TMEM196: variants seen among roughly 807,000 people sequenced by gnomAD.
TMEM196 encodes transmembrane protein 196.
TMEM196 carries 17 observed loss-of-function variants against 20.0 expected under a neutral mutation model. The ratio of observed to expected loss-of-function variants is 0.85; its 90% CI spans 0.58 to 1.27. The LOEUF is 1.27. Ranked by LOEUF, TMEM196 falls within the 50% of genes most tolerant of loss-of-function variation. The pLI, the probability that TMEM196 is intolerant of heterozygous loss-of-function variation, is 0.00. For synonymous variants in TMEM196, 113 were observed against 88.9 expected (o/e 1.27, Z -1.52); for missense variants, 267 against 223.0 (o/e 1.20, Z -1.26).
intron 1 of TMEM196, among the ~76,000 whole-genome samples, chr7:19,738,514 T>A (rs2128021941): frequency 6.6e-6 from 1 of 152,172 alleles, no homozygotes; most frequent in Middle Eastern, 3.4e-3. Context: ...AGATCTTGGT[T>A]TCTAATACCT....
chr7:19,764,709 A>T (rs1489608960), intron 1 of TMEM196, among the ~76,000 whole-genome samples: 1 of 152,164 alleles, frequency 6.6e-6, no homozygotes. Context: ...ATAATTCAAC[A>T]CTAAGGCTTA....
At chr7:19,768,410 G>T (rs191506959) in intron 1 of TMEM196, among the ~76,000 whole-genome samples, 1 of 152,072 alleles carries the variant, frequency 6.6e-6, no homozygotes, top group Non-Finnish European at 1.5e-5. Context: ...TCAACCTACA[G>T]CAATAAAATT....
In TMEM196 at chr7:19,772,664, G is replaced by A. The variant is rs1311995781; in HGVS notation, c.33C>T (p.Leu11=). The A allele has an allele frequency of 2.7e-5, 42 of 1,540,634 alleles. No homozygotes were observed. Among genetic ancestry groups the A allele is most frequent in the Non-Finnish European group, 3.5e-5 (40 of 1,141,992 alleles). ...CTATCTCCAGCACGGAGAGCACCAA[G>A]AGGCTCCCAATAATCTGACCGCTGG... is the stretch of plus-strand genomic sequence containing the variant. MCTSGQIIGS[L]LVLSVLEIGL... Residue 11 remains leucine, a synonymous_variant, in exon 1 of 5, where the codon CTC becomes CTT. Coordinates refer to ENST00000405844, the MANE Select transcript of TMEM196 (RefSeq NM_001363562.2).
Position 19,721,728 on chromosome 7 carries a change from CAT to C in TMEM196, c.*398_*399del, listed in dbSNP as rs1783819291. On this transcript the variant is annotated 3_prime_UTR_variant, in exon 5 of 5. Coordinates refer to ENST00000405844, the MANE Select transcript of TMEM196 (RefSeq NM_001363562.2). ...TTGATATTTGCACTTTTCAATTACTCATATGAAATATGTCATTACAAATATAA... is the reference window on the plus strand; with the variant it reads ...TTGATATTTGCACTTTTCAATTACTCATGAAATATGTCATTACAAATATAA... 1 of 173,630 alleles carries C rather than the reference CAT, an allele frequency of 5.8e-6. No homozygotes were observed. Among genetic ancestry groups the C allele is most frequent in the African/African-American group, 2.4e-5 (1 of 42,018 alleles). 10.8% of individuals were successfully genotyped at this position (173,630 alleles called of 1,614,324 possible).
At chr7:19,733,177 A>G (rs1784274395) in intron 1 of TMEM196, among the ~76,000 whole-genome samples, 1 of 152,204 alleles carries the variant, frequency 6.6e-6, no homozygotes, top group Non-Finnish European at 1.5e-5. Context: ...GATTATATTC[A>G]ATAGAAAACT....
At chr7:19,735,851 A>G (rs1339869543) in intron 1 of TMEM196, among the ~76,000 whole-genome samples, 1 of 152,178 alleles carries the variant, frequency 6.6e-6, no homozygotes, top group Non-Finnish European at 1.5e-5. Context: ...TAGAGGAGAT[A>G]TACTCATTAG....
At chr7:19,767,223 C>G (rs929896413) in intron 1 of TMEM196, among the ~76,000 whole-genome samples, 1 of 152,056 alleles carries the variant, frequency 6.6e-6, no homozygotes, top group African/African-American at 2.4e-5. Flanking sequence ...ACCAAATTTT[C>G]TATTATACCA....
At chr7:19,752,622 TTTC>T (rs1785033297) in intron 1 of TMEM196, among the ~76,000 whole-genome samples, 2 of 150,110 alleles carry the variant, frequency 1.3e-5, no homozygotes, top group African/African-American at 4.9e-5. Flanking sequence ...TCTTTCTTTC[TTTC>T]TTTTTTTGAG....
At chr7:19,724,434 C>A in intron 3 of TMEM196, 81 bp from the exon 4 acceptor site, 1 of 1,269,704 alleles carries the variant, frequency 7.9e-7, no homozygotes, top group Non-Finnish European at 1.1e-6. Flanking sequence ...TAAAATAAAG[C>A]ACAAAAGAGC....
chr7:19,727,884 G>C (rs913761830), intron 2 of TMEM196, among the ~76,000 whole-genome samples: 2 of 151,924 alleles, frequency 1.3e-5, no homozygotes, highest in Non-Finnish European at 2.9e-5. Context: ...ATTTCACCAG[G>C]TTGGAGACTC....
intron 1 of TMEM196, among the ~76,000 whole-genome samples, chr7:19,732,656 G>A (rs1784256307): frequency 6.7e-6 from 1 of 150,340 alleles, no homozygotes; most frequent in African/African-American, 2.5e-5. Context: ...TTCAGTGTAG[G>A]TTATACTAGC....
rs181327350 is a variant in TMEM196, at chr7:19,751,964, T to G, written c.147+20586A>C. On this transcript the variant is annotated intron_variant, in intron 1 of 4. Transcript: ENST00000405844. ...CTACAATTAACAAGATTTCAAGGAT[T>G]GTAAGTGGACTGTCTTCTGGAAAAT... 9.8e-4 allele frequency among the ~76,000 whole-genome samples: 149 copies of G among 152,270 alleles called. 2 individuals carry two copies. The highest frequency in any genetic ancestry group is 3.5e-3 in the African/African-American group (144 of 41,566).
intron 1 of TMEM196, among the ~76,000 whole-genome samples, chr7:19,762,108 C>G (rs964743693): frequency 8.6e-5 from 13 of 151,942 alleles, no homozygotes; most frequent in Non-Finnish European, 1.5e-4. Context: ...AAATCATAAC[C>G]AAACTTGTGA....
intron 1 of TMEM196, among the ~76,000 whole-genome samples, chr7:19,766,188 G>C (rs1268423602): frequency 6.6e-6 from 1 of 152,182 alleles, no homozygotes; most frequent in Non-Finnish European, 1.5e-5. Flanking sequence ...TATTGAGTGA[G>C]ATGTATAAAT....
chr7:19,727,023 C>G (rs1047072176), intron 2 of TMEM196, among the ~76,000 whole-genome samples: 1 of 152,128 alleles, frequency 6.6e-6, no homozygotes, highest in Non-Finnish European at 1.5e-5. Context: ...TTGATCTCCT[C>G]CTTTGTTGTA....
At chr7:19,743,353 C>T (rs532797361) in intron 1 of TMEM196, among the ~76,000 whole-genome samples, 3 of 152,266 alleles carry the variant, frequency 2.0e-5, no homozygotes, top group Non-Finnish European at 4.4e-5. Context: ...GTTTGTTTCA[C>T]TCTCTCTTTT....
chr7:19,744,038 G>A (rs78457841), intron 1 of TMEM196, among the ~76,000 whole-genome samples: 2,082 of 152,208 alleles, frequency 0.014, 29 homozygotes, highest in African/African-American at 0.028. Flanking sequence ...GGAAGAAAGC[G>A]TTATAATTGA....
intron 1 of TMEM196, among the ~76,000 whole-genome samples, chr7:19,758,572 G>A (rs1785307966): frequency 6.6e-6 from 1 of 152,162 alleles, no homozygotes; most frequent in Non-Finnish European, 1.5e-5. Flanking sequence ...CAGCTATGCT[G>A]ATTCTCTGGA....
intron 1 of TMEM196, among the ~76,000 whole-genome samples, chr7:19,759,594 A>C (rs946373368): frequency 8.5e-5 from 13 of 152,048 alleles, no homozygotes; most frequent in Non-Finnish European, 1.6e-4. Context: ...CACAGGTCAC[A>C]AACAGATTCT....
Sources: allele counts gnomAD v4.1 joint callset (sites outside exome capture counted in the v4.1 genomes callset), GRCh38; gene constraint gnomAD v4.1.1; transcripts MANE v1.5; gene names NCBI Gene and HGNC (gene_info 2026-07-23, HGNC 2026-07-21).